NAP1L4: variants seen among roughly 807,000 people sequenced by gnomAD.
NAP1L4 encodes nucleosome assembly protein 1-like 4.
Under a neutral mutation model 58.2 loss-of-function variants are expected in NAP1L4, and 15 were observed. The observed-to-expected ratio is 0.26, with a 90% CI of 0.17 to 0.40. NAP1L4 has a LOEUF of 0.40. Among genes scored for constraint, NAP1L4 ranks in the 10% least tolerant of loss-of-function variants. NAP1L4 has a pLI of 1.00. For synonymous variants in NAP1L4, 171 were observed against 155.6 expected (o/e 1.10, Z -0.74); for missense variants, 384 against 451.1 (o/e 0.85, Z 1.35).
intron 7 of NAP1L4, among the ~76,000 whole-genome samples, chr11:2,966,397 G>A (rs1389726851): frequency 8.3e-6 from 1 of 120,906 alleles, no homozygotes; most frequent in Non-Finnish European, 1.7e-5. Flanking sequence ...CAATCTAGCA[G>A]TCACTCTGTA....
rs61871240 is a variant in NAP1L4 at position 2,969,622 on chromosome 11, T to C, written c.534+181A>G. Reference sequence around the variant, plus strand: ...GCAAAAGACAGCATGGAAGCCCCACTGTGAATAAACCATTCACTGTGAGAT... The same window carrying C: ...GCAAAAGACAGCATGGAAGCCCCACCGTGAATAAACCATTCACTGTGAGAT... On this transcript the variant is annotated intron_variant, in intron 7 of 15. Transcript: ENST00000380542. 0.13 allele frequency among the ~76,000 whole-genome samples: 20,329 copies of C among 152,126 alleles called. 1,473 individuals are homozygous for C. The highest frequency in any genetic ancestry group is 0.17 in the Middle Eastern group (51 of 294).
chr11:2,984,496 A>C (rs1383388996), intron 1 of NAP1L4, among the ~76,000 whole-genome samples: 2 of 152,110 alleles, frequency 1.3e-5, no homozygotes, highest in Non-Finnish European at 2.9e-5. Context: ...TCTTGAACCC[A>C]GGAGGCGGAA....
chr11:2,959,772 G>A lies in NAP1L4; in HGVS notation c.744C>T (p.Asp248=), dbSNP rs754077629. Residue 248 remains aspartate (D), a splice_region_variant and synonymous_variant, in exon 9 of 16, where the codon GAC becomes GAT. Transcript: ENST00000380542. The surrounding 1 kb of genome is among the most constrained non-coding windows in gnomAD (Gnocchi z 4.9). ...SFEGPEIVDC[D]GCTIDWKKGK... ...AAGGTAGAATGACATTTTCTTACCC[G>A]TCACAGTCCACAATCTCAGGACCTT... The A allele has an allele frequency of 1.8e-5, 29 of 1,612,186 alleles. No individual in the cohort carries two copies. The highest frequency in any genetic ancestry group is 8.9e-5 in the East Asian group (4 of 44,876).
chr11:2,960,993 C>T (rs774912335), intron 8 of NAP1L4, among the ~76,000 whole-genome samples: 10 of 152,186 alleles, frequency 6.6e-5, no homozygotes, highest in South Asian at 6.2e-4. Flanking sequence ...CTCATCTCTA[C>T]ACTGGAAATA....
intron 1 of NAP1L4, among the ~76,000 whole-genome samples, chr11:2,987,549 A>G (rs1848707337): frequency 6.6e-6 from 1 of 151,436 alleles, no homozygotes; most frequent in African/African-American, 2.4e-5. Flanking sequence ...TGAGGTCAGG[A>G]GTTCGAGACC....
At chr11:2,981,472 A>G (rs1328284379) in intron 1 of NAP1L4, among the ~76,000 whole-genome samples, 1 of 147,020 alleles carries the variant, frequency 6.8e-6, no homozygotes, top group Non-Finnish European at 1.5e-5. Flanking sequence ...ATGGCTGGCT[A>G]TGCTCACCAC....
chr11:2,987,756 C>CA (rs57754393), intron 1 of NAP1L4, among the ~76,000 whole-genome samples: 769 of 70,236 alleles, frequency 0.011, 24 homozygotes, highest in South Asian at 0.025. Context: ...GACTCCACCT[C>CA]AAAAAAAAAA....
At position 2,955,695 on chromosome 11, in the gene NAP1L4, T is replaced by C; in HGVS notation, c.915+49A>G. ...AACAAGTAGACAAGTAGACATTCAC[T>C]CAGGAGAGACTTCAACAGGAAAATA... On this transcript the variant is annotated intron_variant, in intron 11 of 15. Coordinates refer to ENST00000380542, the MANE Select transcript of NAP1L4 (RefSeq NM_005969.4). This position sits in a 1 kb window ranked among gnomAD's most constrained non-coding sequence, Gnocchi z 4.2. 1.3e-6 allele frequency: 2 copies of C among 1,582,830 alleles called. No homozygotes were observed. The highest frequency in any genetic ancestry group is 1.7e-6 in the Non-Finnish European group (2 of 1,153,992).
rs766714088 is a variant in NAP1L4 at position 2,954,770 on chromosome 11, A to C, written c.916-124T>G. ...TTAACTTAAAACACCAAACTCCTGCACTGCTGGGGGACAGCCACTAGACAC... is the reference window on the plus strand; with the variant it reads ...TTAACTTAAAACACCAAACTCCTGCCCTGCTGGGGGACAGCCACTAGACAC... On this transcript the variant is annotated intron_variant, in intron 11 of 15. Coordinates refer to ENST00000380542, the MANE Select transcript of NAP1L4 (RefSeq NM_005969.4). This position sits in a 1 kb window ranked among gnomAD's most constrained non-coding sequence, Gnocchi z 4.8. 580 of 1,262,484 alleles carry C rather than the reference A, an allele frequency of 4.6e-4. 2 individuals are homozygous for C. Among genetic ancestry groups the C allele is most frequent in the Middle Eastern group, 5.6e-4 (3 of 5,362 alleles). 78.2% of individuals were successfully genotyped at this position (1,262,484 alleles called of 1,614,324 possible).
rs1430551308 is a variant in NAP1L4 at position 2,971,254 on chromosome 11, C to T, written c.402+194G>A. On this transcript the variant is annotated intron_variant, in intron 6 of 15. Transcript: ENST00000380542. This position sits in a 1 kb window ranked among gnomAD's most constrained non-coding sequence, Gnocchi z 4.2. ...ACAGATAACTGAGGTGGCACTACAT[C>T]TTACTCCTATTAACTGACAGTACTG... Among the ~76,000 whole-genome samples, 1 of 152,226 alleles carries T rather than the reference C, an allele frequency of 6.6e-6. No homozygotes were observed. The highest frequency in any genetic ancestry group is 1.5e-5 in the Non-Finnish European group (1 of 68,042).
chr11:2,950,456 A>G (rs980263981), intron 14 of NAP1L4, among the ~76,000 whole-genome samples: 1 of 152,234 alleles, frequency 6.6e-6, no homozygotes, highest in East Asian at 1.9e-4. Context: ...GGGTAAAAAC[A>G]AGCAAAAAAC....
At chr11:2,975,552 G>A (rs1465925038) in intron 4 of NAP1L4, among the ~76,000 whole-genome samples, 2 of 151,970 alleles carry the variant, frequency 1.3e-5, no homozygotes, top group African/African-American at 4.8e-5. Flanking sequence ...GAAATACAGT[G>A]AGACCCCATC....
At chr11:2,968,582 A>G (rs997721903) in intron 7 of NAP1L4, among the ~76,000 whole-genome samples, 3 of 152,238 alleles carry the variant, frequency 2.0e-5, no homozygotes, top group African/African-American at 4.8e-5. Flanking sequence ...AGCATTAAAC[A>G]AGGGAGGTAG....
chr11:2,954,256 T>C lies in NAP1L4; in HGVS notation c.1035+271A>G, dbSNP rs568220908. ...CTGAAGCTTAGGTTTTGAGAGAATA[T>C]TGTTGAGTCACTAGGCAGGGCTCAC... On this transcript the variant is annotated intron_variant, in intron 12 of 15. Coordinates refer to ENST00000380542, the MANE Select transcript of NAP1L4 (RefSeq NM_005969.4). The surrounding 1 kb of genome is among the most constrained non-coding windows in gnomAD (Gnocchi z 4.8). 7 of 527,348 alleles carry C rather than the reference T, an allele frequency of 1.3e-5. No individual in the cohort carries two copies. In the East Asian group the frequency reaches 1.7e-4, roughly 13 times the overall value. 32.7% of individuals were successfully genotyped at this position (527,348 alleles called of 1,614,324 possible).
At chr11:2,985,257 G>A (rs1590275415) in intron 1 of NAP1L4, among the ~76,000 whole-genome samples, 2 of 152,280 alleles carry the variant, frequency 1.3e-5, no homozygotes. Context: ...GAAAGACAAT[G>A]TAGAGAGGTG....
At chr11:2,976,175 AG>A (rs1847945820) in intron 3 of NAP1L4, 52 bp from the exon 4 acceptor site, 2 of 1,410,174 alleles carry the variant, frequency 1.4e-6, no homozygotes, top group African/African-American at 1.4e-5. Flanking sequence ...CACACACAAT[AG>A]CCAAGAGTCA....
chr11:2,960,665 C>T (rs568341259), intron 8 of NAP1L4, among the ~76,000 whole-genome samples: 1 of 151,908 alleles, frequency 6.6e-6, no homozygotes, highest in African/African-American at 2.4e-5. Context: ...CATGTACTGT[C>T]GACAGATTTT....
intron 1 of NAP1L4, among the ~76,000 whole-genome samples, chr11:2,985,989 A>G (rs936393912): frequency 2.6e-5 from 4 of 152,244 alleles, no homozygotes; most frequent in Middle Eastern, 3.2e-3. Flanking sequence ...CTGTTTTCTT[A>G]TGAAATTTTT....
chr11:2,975,207 A>G lies in NAP1L4; in HGVS notation c.173+817T>C, dbSNP rs1847878608. ...GTGGTGCATGCCTATAGTTCCAACTACTCTGGAGGCTGAGGTAGAAGGATT... is the reference window on the plus strand; with the variant it reads ...GTGGTGCATGCCTATAGTTCCAACTGCTCTGGAGGCTGAGGTAGAAGGATT... On this transcript the variant is annotated intron_variant, in intron 4 of 15. Transcript: ENST00000380542. 2.0e-5 allele frequency among the ~76,000 whole-genome samples: 3 copies of G among 151,434 alleles called. No individual in the cohort carries two copies. In the South Asian group the frequency reaches 6.3e-4, roughly 32 times the overall value.
Sources: gnomAD v4.1 joint callset for allele counts (sites outside exome capture counted in the v4.1 genomes callset) on GRCh38, gnomAD v4.1.1 for gene constraint, Gnocchi (gnomAD v3.1) non-coding constraint, MANE v1.5 for transcripts, NCBI Gene and HGNC (gene_info 2026-07-23, HGNC 2026-07-21) for gene names.